The following PHKB variants were observed in gnomAD, a reference collection of about 807,000 sequenced individuals.
The protein encoded by PHKB is phosphorylase b kinase regulatory subunit beta.
Under a neutral mutation model 152.1 loss-of-function variants are expected in PHKB, and 122 were observed. The observed-to-expected ratio is 0.80, with a 90% CI of 0.69 to 0.93. The LOEUF (loss-of-function observed/expected upper bound fraction) is 0.93. PHKB is among the 40% of genes least tolerant of loss of function. PHKB has a pLI of 0.00. For missense variants in PHKB, 1,304 were observed against 1,328.4 expected, an observed-to-expected ratio of 0.98 and a Z score of 0.29; for synonymous variants, 436 against 464.9, an observed-to-expected ratio of 0.94 and a Z score of 0.80.
At chr16:47,665,057 G>T (rs1185111193) in intron 25 of PHKB, 82 bp downstream of exon 25, 16 of 872,862 alleles carry the variant, frequency 1.8e-5, no homozygotes, top group Non-Finnish European at 3.1e-5. Context: ...TATGTCTTTT[G>T]GTCTTATAGT....
chr16:47,488,061 A>G (rs1970079629), intron 1 of PHKB, among the ~76,000 whole-genome samples: 1 of 152,208 alleles, frequency 6.6e-6, no homozygotes. Flanking sequence ...CCAGCAGTGT[A>G]TAAGCGTTCC....
At chr16:47,587,048 C>T (rs1345895780) in intron 8 of PHKB, among the ~76,000 whole-genome samples, 1 of 152,086 alleles carries the variant, frequency 6.6e-6, no homozygotes, top group Non-Finnish European at 1.5e-5. Flanking sequence ...TGAAACTTTA[C>T]TCTGTTAAAG....
At position 47,679,755 on chromosome 16, in the gene PHKB, C is replaced by T. The variant is rs577010958; in HGVS notation, c.2631-9286C>T. 2.6e-5 allele frequency among the ~76,000 whole-genome samples: 4 copies of T among 152,254 alleles called. No homozygotes were observed. In the East Asian group the frequency reaches 7.7e-4, roughly 29 times the overall value. ...CTTCCTCTTTTCCTAATTGAATACC[C>T]TTTATTTCCTTCTCCTGCCTAATTG... On this transcript the variant is annotated intron_variant, in intron 26 of 30. Coordinates refer to ENST00000323584, the MANE Select transcript of PHKB (RefSeq NM_000293.3).
At chr16:47,522,226 C>T (rs558938694) in intron 6 of PHKB, among the ~76,000 whole-genome samples, 3 of 152,016 alleles carry the variant, frequency 2.0e-5, no homozygotes, top group Non-Finnish European at 4.4e-5. Flanking sequence ...TTTTTGATTA[C>T]CATTTCTCTT....
At chr16:47,665,063 A>G (rs1460231001) in intron 25 of PHKB, 88 bp downstream of exon 25, 2 of 829,264 alleles carry the variant, frequency 2.4e-6, no homozygotes, top group African/African-American at 3.3e-5. Context: ...TTTTGGTCTT[A>G]TAGTGTGTGG....
At chr16:47,691,921 T>C (rs1974067830) in intron 27 of PHKB, among the ~76,000 whole-genome samples, 1 of 152,228 alleles carries the variant, frequency 6.6e-6, no homozygotes, top group Non-Finnish European at 1.5e-5. Context: ...GTATTAATCA[T>C]AACTTCATAT....
chr16:47,514,348 G>C (rs1172771165), intron 5 of PHKB, among the ~76,000 whole-genome samples: 2 of 152,172 alleles, frequency 1.3e-5, no homozygotes, highest in African/African-American at 4.8e-5. Context: ...GTCCACATCT[G>C]AAAGCCTCAG....
At chr16:47,495,255 C>T (rs1177862081) in intron 1 of PHKB, among the ~76,000 whole-genome samples, 2 of 150,628 alleles carry the variant, frequency 1.3e-5, no homozygotes, top group African/African-American at 4.9e-5. Context: ...TCTTAAATAT[C>T]CTAGCACTTT....
intron 14 of PHKB, among the ~76,000 whole-genome samples, chr16:47,639,958 A>G (rs1972987722): frequency 6.6e-6 from 1 of 152,212 alleles, no homozygotes; most frequent in African/African-American, 2.4e-5. Flanking sequence ...GTCTTTATCA[A>G]GTAAAAACAG....
intron 7 of PHKB, among the ~76,000 whole-genome samples, chr16:47,557,174 A>G (rs531883166): frequency 6.6e-5 from 10 of 152,342 alleles, no homozygotes; most frequent in Non-Finnish European, 1.5e-4. Context: ...AAAACTGGCT[A>G]GCCATATGTA....
At chr16:47,636,637 G>T (rs1256977093) in intron 14 of PHKB, among the ~76,000 whole-genome samples, 1 of 152,242 alleles carries the variant, frequency 6.6e-6, no homozygotes, top group East Asian at 1.9e-4. Flanking sequence ...TCAGGGCAGT[G>T]TTGACATGCC....
At chr16:47,663,373 C>T (rs1239470575) in intron 23 of PHKB, among the ~76,000 whole-genome samples, 1 of 152,042 alleles carries the variant, frequency 6.6e-6, no homozygotes, top group East Asian at 1.9e-4. Context: ...TTCTTTTCTG[C>T]AGTAAATTAG....
chr16:47,543,694 T>G (rs1001491445), intron 6 of PHKB, among the ~76,000 whole-genome samples: 10 of 152,218 alleles, frequency 6.6e-5, no homozygotes, highest in African/African-American at 2.2e-4. Context: ...TATTGATCTA[T>G]TCAGCTATTC....
chr16:47,617,721 G>A (rs1211924282), intron 14 of PHKB, among the ~76,000 whole-genome samples: 3 of 152,096 alleles, frequency 2.0e-5, no homozygotes, highest in Non-Finnish European at 4.4e-5. Context: ...AGTGTATTAA[G>A]TAGTAGTCTG....
At chr16:47,697,193 C>T (rs368351428) in intron 29 of PHKB, among the ~76,000 whole-genome samples, 2 of 152,304 alleles carry the variant, frequency 1.3e-5, no homozygotes, top group African/African-American at 4.8e-5. Flanking sequence ...TTGTGTTTCT[C>T]AAGGGTAGAT....
chr16:47,519,572 G>A (rs1423569207), intron 6 of PHKB, among the ~76,000 whole-genome samples: 2 of 152,190 alleles, frequency 1.3e-5, no homozygotes, highest in African/African-American at 4.8e-5. Context: ...CAACTGAGCT[G>A]CTTTGAGTGT....
intron 13 of PHKB, among the ~76,000 whole-genome samples, chr16:47,602,369 G>T (rs956777585): frequency 9.9e-5 from 15 of 151,936 alleles, no homozygotes; most frequent in Admixed American, 7.2e-4. Flanking sequence ...TAATTTCTTG[G>T]GTTCCCAAAG....
intron 6 of PHKB, among the ~76,000 whole-genome samples, chr16:47,518,142 C>G (rs1970627918): frequency 1.3e-5 from 2 of 152,138 alleles, no homozygotes; most frequent in Admixed American, 1.3e-4. Flanking sequence ...TTAAGACAAT[C>G]TAAGGACCCA....
chr16:47,486,119 A>T (rs555558131), intron 1 of PHKB, among the ~76,000 whole-genome samples: 5 of 152,348 alleles, frequency 3.3e-5, no homozygotes, highest in African/African-American at 1.2e-4. Flanking sequence ...AGTATGGAAA[A>T]TAACACATTA....
Sources: gnomAD v4.1 joint callset for allele counts (sites outside exome capture counted in the v4.1 genomes callset) on GRCh38, gnomAD v4.1.1 for gene constraint, MANE v1.5 for transcripts, NCBI Gene and HGNC (gene_info 2026-07-23, HGNC 2026-07-21) for gene names.